Variants in ADGRE1 observed in about 807,000 individuals in gnomAD.
The protein encoded by ADGRE1 is adhesion G protein-coupled receptor E1.
A neutral mutation model predicts 102.7 loss-of-function variants in ADGRE1; 82 were observed. The ratio of observed to expected loss-of-function variants is 0.80; its 90% CI spans 0.67 to 0.96. ADGRE1 has a LOEUF of 0.96. ADGRE1 is among the 40% of genes least tolerant of loss of function. The pLI is 0.00. For synonymous variants in ADGRE1, 398 were observed against 399.6 expected (o/e 1.00, Z 0.05); for missense variants, 1,032 against 1,085.3 (o/e 0.95, Z 0.69).
At chr19:6,894,010 A>T (rs1026003462) in intron 2 of ADGRE1, among the ~76,000 whole-genome samples, 2 of 151,768 alleles carry the variant, frequency 1.3e-5, no homozygotes, top group Admixed American at 6.6e-5. Context: ...ACATCACATC[A>T]CTCTGACAAT....
chr19:6,909,538 A>T (rs922712678), intron 10 of ADGRE1, among the ~76,000 whole-genome samples: 3 of 152,120 alleles, frequency 2.0e-5, no homozygotes, highest in Non-Finnish European at 4.4e-5. Flanking sequence ...TAGTGTGTAT[A>T]TAAACAATGC....
At chr19:6,925,736 A>G (rs1974876329) in intron 15 of ADGRE1, among the ~76,000 whole-genome samples, 1 of 151,484 alleles carries the variant, frequency 6.6e-6, no homozygotes, top group African/African-American at 2.4e-5. Context: ...GGGTCTTGCT[A>G]TGTCACCCAG....
At chr19:6,894,737 T>G (rs1217096398) in intron 2 of ADGRE1, among the ~76,000 whole-genome samples, 1 of 151,822 alleles carries the variant, frequency 6.6e-6, no homozygotes, top group Non-Finnish European at 1.5e-5. Context: ...TGGTGTGGAG[T>G]AGAAGATTGT....
chr19:6,918,110 G>A (rs1974469782), intron 12 of ADGRE1, among the ~76,000 whole-genome samples: 1 of 152,140 alleles, frequency 6.6e-6, no homozygotes, highest in South Asian at 2.1e-4. Context: ...TCCAGATCAG[G>A]TAATATCAGT....
intron 9 of ADGRE1, among the ~76,000 whole-genome samples, chr19:6,907,816 AT>A (rs1974023745): frequency 6.6e-6 from 1 of 152,136 alleles, no homozygotes; most frequent in African/African-American, 2.4e-5. Context: ...TTAGCATGAT[AT>A]TTTCAAGGTT....
At chr19:6,909,877 G>A (rs962952578) in intron 10 of ADGRE1, among the ~76,000 whole-genome samples, 2 of 152,108 alleles carry the variant, frequency 1.3e-5, no homozygotes, top group African/African-American at 4.8e-5. Context: ...TGGGATTACA[G>A]GCATGCGCCA....
At chr19:6,923,689 C>A (rs1040570203) in intron 14 of ADGRE1, among the ~76,000 whole-genome samples, 2 of 151,842 alleles carry the variant, frequency 1.3e-5, no homozygotes, top group Non-Finnish European at 2.9e-5. Context: ...CGCCACCATG[C>A]CTGGCTAATA....
intron 13 of ADGRE1, among the ~76,000 whole-genome samples, chr19:6,920,740 G>C (rs113331749): frequency 0.083 from 12,617 of 151,736 alleles, 1,350 homozygotes; most frequent in African/African-American, 0.25. Context: ...GAACTCCTGA[G>C]CTTAGGTGAT....
chr19:6,908,638 T>G, intron 9 of ADGRE1, 51 bp from the exon 10 acceptor site: 1 of 1,431,286 alleles, frequency 7.0e-7, no homozygotes, highest in Non-Finnish European at 9.4e-7. Context: ...CTTGGGGGAA[T>G]ACATCGATTC....
At position 6,921,880 on chromosome 19, in the gene ADGRE1, C is replaced by T. The variant is rs1350933874; in HGVS notation, c.1788C>T (p.Leu596=). 1 of 1,612,904 alleles carries T rather than the reference C, an allele frequency of 6.2e-7. No homozygotes were observed. ...NLAVIMASGE[L]TMDFSLYIIS... ...CCGTTATCATGGCGTCTGGGGAGCTCACGGTCAGTACTGATGATTTGTTCC... is the reference window on the plus strand; with the variant it reads ...CCGTTATCATGGCGTCTGGGGAGCTTACGGTCAGTACTGATGATTTGTTCC... The change falls in exon 14 of 21, where the codon CTC becomes CTT. Residue 596 remains leucine (L), a synonymous_variant. Coordinates refer to ENST00000312053, the MANE Select transcript of ADGRE1 (RefSeq NM_001974.5).
Position 6,897,411 on chromosome 19 carries a change from C to T in ADGRE1, c.395-17C>T. The T allele has an allele frequency of 1.3e-6, 2 of 1,593,946 alleles. No homozygotes were observed. Among genetic ancestry groups the T allele is most frequent in the Non-Finnish European group, 1.7e-6 (2 of 1,168,588 alleles). On this transcript the variant is annotated splice_polypyrimidine_tract_variant and intron_variant, in intron 4 of 20. Transcript: ENST00000312053. ...ACCCAATTTCTTATCTGCTCACCCT[C>T]TTCCACTGCTTCTCAGATATCAATG...
chr19:6,910,668 T>C (rs945622061), intron 10 of ADGRE1, among the ~76,000 whole-genome samples: 1 of 145,268 alleles, frequency 6.9e-6, no homozygotes, highest in Non-Finnish European at 1.5e-5. Context: ...GCCTCCCGGG[T>C]TCATGCCATT....
At chr19:6,897,097 TACAGTC>T in intron 3 of ADGRE1, 46 bp from the exon 4 acceptor site, 1 of 837,414 alleles carries the variant, frequency 1.2e-6, no homozygotes, top group East Asian at 3.4e-5. Context: ...TTTTGCAAAA[TACAGTC>T]TTCTATCTAG....
chr19:6,933,957 C>T (rs1467435960), intron 17 of ADGRE1, among the ~76,000 whole-genome samples: 1 of 152,062 alleles, frequency 6.6e-6, no homozygotes, highest in Non-Finnish European at 1.5e-5. Context: ...CTCAAGTTCG[C>T]AGTCTATGTC....
rs114809203 is a variant in ADGRE1 at position 6,908,866 on chromosome 19, G to A, written c.1122+94G>A. ...GATGTCTTTATGGCTGGGCGTGGTG[G>A]CTCACACCCATAATCCCAGCACTTT... is the stretch of plus-strand genomic sequence containing the variant. On this transcript the variant is annotated intron_variant, in intron 10 of 20. Coordinates refer to ENST00000312053, the MANE Select transcript of ADGRE1 (RefSeq NM_001974.5). 3,414 of 1,175,794 alleles carry A rather than the reference G, an allele frequency of 2.9e-3. 75 individuals carry two copies. The African/African-American group carries it at 0.047, about 16-fold the overall frequency. The allele number at this position is 1,175,794 out of a possible 1,614,324, so 72.8% of individuals were successfully genotyped here. A position where few individuals can be genotyped will look rare whatever the true frequency, so the allele number is the denominator to read the frequency against.
intron 1 of ADGRE1, among the ~76,000 whole-genome samples, chr19:6,888,854 A>G (rs1221052080): frequency 6.6e-6 from 1 of 152,198 alleles, no homozygotes; most frequent in Non-Finnish European, 1.5e-5. Flanking sequence ...AGGCATGCAG[A>G]GTTGTTATTT....
intron 10 of ADGRE1, among the ~76,000 whole-genome samples, chr19:6,910,948 CTAAGGA>C (rs1445821695): frequency 1.3e-5 from 2 of 152,114 alleles, no homozygotes; most frequent in Non-Finnish European, 1.5e-5. Flanking sequence ...ACAAATCCTA[CTAAGGA>C]TGTTTAGTTT....
intron 15 of ADGRE1, among the ~76,000 whole-genome samples, chr19:6,925,635 A>G (rs1424435270): frequency 1.3e-5 from 2 of 152,122 alleles, no homozygotes; most frequent in Admixed American, 1.3e-4. Context: ...AATGTTACAG[A>G]TGTCGATAAT....
In ADGRE1 at chr19:6,904,084, T is replaced by C; in HGVS notation, c.851T>C (p.Ile284Thr). The change falls in exon 8 of 21, where the codon ATC becomes ACC. Residue 284 changes from isoleucine (I) to threonine (T), a missense_variant. Transcript: ENST00000312053. Reference protein sequence around the residue: ...QDPSTCGPNSICTNALGSYSC... With the variant: ...QDPSTCGPNSTCTNALGSYSC... ...CCATCAACCTGTGGTCCTAATTCTA[T>C]CTGCACCAATGCCCTGGGCTCCTAC... 1.2e-6 allele frequency: 2 copies of C among 1,614,252 alleles called. No homozygotes were observed. The highest frequency in any genetic ancestry group is 1.7e-6 in the Non-Finnish European group (2 of 1,180,038).
Sources: allele counts gnomAD v4.1 joint callset (sites outside exome capture counted in the v4.1 genomes callset), GRCh38; gene constraint gnomAD v4.1.1; transcripts MANE v1.5; gene names NCBI Gene and HGNC (gene_info 2026-07-23, HGNC 2026-07-21).